The following ASTN2 variants were observed in gnomAD, a reference collection of about 807,000 sequenced individuals.
The protein encoded by ASTN2 is astrotactin 2.
ASTN2 carries 54 observed loss-of-function variants against 139.8 expected under a neutral mutation model. The observed-to-expected ratio is 0.39, with a 90% confidence interval of 0.31 to 0.48. The LOEUF (loss-of-function observed/expected upper bound fraction) is 0.48, where lower values mean the gene tolerates loss of function less well. Ranked by LOEUF, ASTN2 falls within the 20% of genes least tolerant of loss-of-function variation. ASTN2 has a pLI of 0.95. For missense variants in ASTN2, 1,565 were observed against 1,725.1 expected, an observed-to-expected ratio of 0.91 and a Z score of 1.64; for synonymous variants, 756 against 719.5, an observed-to-expected ratio of 1.05 and a Z score of -0.81.
chr9:116,857,750 A>C (rs528451644), intron 11 of ASTN2, among the ~76,000 whole-genome samples: 22 of 152,208 alleles, frequency 1.4e-4, no homozygotes, highest in Middle Eastern at 3.4e-3. Context: ...GCAATGGGTA[A>C]ATGGGTAGAT....
At position 117,298,730 on chromosome 9, in the gene ASTN2, G is replaced by A. The variant is rs1005706008; in HGVS notation, c.443-7217C>T. On this transcript the variant is annotated intron_variant, in intron 1 of 22. Coordinates refer to ENST00000313400, the MANE Select transcript of ASTN2 (RefSeq NM_001365068.1). ...TGTGTGTGTGTGTGTGTGTGTGTGT[G>A]TGTATATATATATATCTTAAAATAG... is the stretch of plus-strand genomic sequence containing the variant. Among the ~76,000 whole-genome samples, 20 of 132,470 alleles carry A rather than the reference G, an allele frequency of 1.5e-4. No homozygotes were observed. The South Asian group carries it at 3.1e-3, about 21-fold the overall frequency. The allele number at this position is 132,470 out of a possible 152,430, so 86.9% of individuals were successfully genotyped here. A position where few individuals can be genotyped will look rare whatever the true frequency, so the allele number is the denominator to read the frequency against.
intron 3 of ASTN2, among the ~76,000 whole-genome samples, chr9:117,160,289 G>A (rs1234955327): frequency 6.6e-6 from 1 of 152,024 alleles, no homozygotes; most frequent in Non-Finnish European, 1.5e-5. Context: ...CAGGGGTCCA[G>A]TCAAAGGGAG....
chr9:116,756,170 G>A (rs966973560), intron 13 of ASTN2, among the ~76,000 whole-genome samples: 3 of 152,140 alleles, frequency 2.0e-5, no homozygotes, highest in Non-Finnish European at 4.4e-5. Flanking sequence ...CAACTTTTAA[G>A]CAGGCATCAG....
chr9:116,868,369 T>TGACC (rs1833070903), intron 10 of ASTN2, among the ~76,000 whole-genome samples: 1 of 152,204 alleles, frequency 6.6e-6, no homozygotes. Context: ...CGAATCTGCC[T>TGACC]GACCTCAAGT....
At chr9:117,325,505 T>A (rs997840407) in intron 1 of ASTN2, among the ~76,000 whole-genome samples, 3 of 152,018 alleles carry the variant, frequency 2.0e-5, no homozygotes, top group Non-Finnish European at 4.4e-5. Flanking sequence ...GAAACCCCCC[T>A]CTCCTCCCTG....
intron 20 of ASTN2, among the ~76,000 whole-genome samples, chr9:116,444,770 C>T (rs578099970): frequency 1.3e-5 from 2 of 152,188 alleles, no homozygotes; most frequent in Non-Finnish European, 2.9e-5. Flanking sequence ...AGTCGCTTCA[C>T]CTCTCTGAGC....
intron 10 of ASTN2, among the ~76,000 whole-genome samples, chr9:116,972,730 C>T (rs1474856024): frequency 1.3e-5 from 2 of 152,160 alleles, no homozygotes; most frequent in African/African-American, 2.4e-5. Context: ...GTTCTGCCTA[C>T]TGTAGTGTGA....
chr9:116,779,506 T>G (rs1304569498), intron 13 of ASTN2, among the ~76,000 whole-genome samples: 2 of 152,142 alleles, frequency 1.3e-5, no homozygotes, highest in South Asian at 2.1e-4. Flanking sequence ...CAGATATTTT[T>G]TTTTTTTATA....
chr9:117,043,063 G>C (rs2132654096), intron 5 of ASTN2, among the ~76,000 whole-genome samples: 1 of 152,174 alleles, frequency 6.6e-6, no homozygotes, highest in African/African-American at 2.4e-5. Flanking sequence ...TAGAGACAGT[G>C]TTTCACCATG....
chr9:117,285,504 A>C (rs1262696405), intron 2 of ASTN2, among the ~76,000 whole-genome samples: 2 of 152,168 alleles, frequency 1.3e-5, no homozygotes, highest in African/African-American at 2.4e-5. Context: ...CCTCTAAACA[A>C]AGCTACTGAA....
rs574409590 is a variant in ASTN2 at position 116,581,751 on chromosome 9, C to T, written c.3355+36573G>A. ...TGATCATTTTTCTTCATTCATTCAT[C>T]TCTTCTTAATTAGTTCACTTATAGT... On this transcript the variant is annotated intron_variant, in intron 19 of 22. Coordinates refer to ENST00000313400, the MANE Select transcript of ASTN2 (RefSeq NM_001365068.1). Among the ~76,000 whole-genome samples the T allele has an allele frequency of 1.9e-3, 296 of 152,284 alleles. 2 individuals are homozygous for T. Among genetic ancestry groups the T allele is most frequent in the Admixed American group, 4.1e-3 (63 of 15,298 alleles).
chr9:116,514,063 G>A (rs1187889682), intron 19 of ASTN2, among the ~76,000 whole-genome samples: 3 of 151,928 alleles, frequency 2.0e-5, no homozygotes, highest in African/African-American at 7.2e-5. Context: ...TCCTTTGGAG[G>A]TGGAGAGGTG....
At position 116,838,112 on chromosome 9, in the gene ASTN2, T is replaced by TG. The variant is rs748651331; in HGVS notation, c.2041-17330_2041-17329insC. Among the ~76,000 whole-genome samples, 598 of 133,862 alleles carry TG rather than the reference T, an allele frequency of 4.5e-3. 13 individuals are homozygous for TG. The highest frequency in any genetic ancestry group is 0.025 in the South Asian group (99 of 3,908). The allele number at this position is 133,862 out of a possible 152,430, so 87.8% of individuals were successfully genotyped here. A position where few individuals can be genotyped will look rare whatever the true frequency, so the allele number is the denominator to read the frequency against. On this transcript the variant is annotated intron_variant, in intron 11 of 22. Transcript: ENST00000313400. ...TTCTGCCTGGCTGTGTTTTTTTTTG[T>TG]TTTGTTTTGTTTTTTGAGACAGAGT...
chr9:116,651,626 G>C lies in ASTN2; in HGVS notation c.2974C>G (p.Arg992Gly). 2 of 1,614,112 alleles carry C rather than the reference G, an allele frequency of 1.2e-6. No individual in the cohort carries two copies. Among genetic ancestry groups the C allele is most frequent in the Non-Finnish European group, 1.7e-6 (2 of 1,180,014 alleles). ...GGGCTCAGCTGCTCCTTGCCTGGCC[G>C]GCGGCAAAGGTGACAGGTAGATGGA... is the stretch of plus-strand genomic sequence containing the variant. ...RCPSTCHLCRRPGKEQLSPTP... is the reference protein window; with the variant it reads ...RCPSTCHLCRGPGKEQLSPTP... The change falls in exon 17 of 23, where the codon CGG becomes GGG. Residue 992 changes from arginine to glycine, a missense_variant. Transcript: ENST00000313400.
intron 13 of ASTN2, among the ~76,000 whole-genome samples, chr9:116,798,539 C>T (rs1339275776): frequency 6.6e-6 from 1 of 152,190 alleles, no homozygotes; most frequent in Non-Finnish European, 1.5e-5. Context: ...TCTGTCTGTG[C>T]TTCAGTGTCC....
intron 1 of ASTN2, among the ~76,000 whole-genome samples, chr9:117,304,082 C>T (rs182364637): frequency 4.7e-4 from 71 of 152,282 alleles, no homozygotes; most frequent in Admixed American, 4.5e-3. Flanking sequence ...GCAAACCTGC[C>T]GGCTGACCAC....
Position 117,173,271 on chromosome 9 carries a change from C to T in ASTN2, c.1016-31793G>A, listed in dbSNP as rs940614136. On this transcript the variant is annotated intron_variant, in intron 3 of 22. Transcript: ENST00000313400. ...ACCTGTTAGAAACAAATGAAATTCA[C>T]CAATCTTGAGTTTGAATGAAAGATT... Among the ~76,000 whole-genome samples the T allele has an allele frequency of 8.5e-5, 13 of 152,182 alleles. No individual in the cohort carries two copies. The East Asian group carries it at 2.5e-3, about 29-fold the overall frequency.
intron 10 of ASTN2, among the ~76,000 whole-genome samples, chr9:116,896,322 T>C (rs1054272459): frequency 6.6e-6 from 1 of 152,168 alleles, no homozygotes. Flanking sequence ...CTAGGTAATT[T>C]ATTTTTTAAA....
chr9:116,661,723 A>G (rs1329273386), intron 16 of ASTN2, among the ~76,000 whole-genome samples: 1 of 152,132 alleles, frequency 6.6e-6, no homozygotes, highest in Non-Finnish European at 1.5e-5. Flanking sequence ...CAGTTGGTCA[A>G]AACTAGGCAT....
Sources: gnomAD v4.1 joint callset for allele counts (sites outside exome capture counted in the v4.1 genomes callset) on GRCh38, gnomAD v4.1.1 for gene constraint, MANE v1.5 for transcripts, NCBI Gene and HGNC (gene_info 2026-07-23, HGNC 2026-07-21) for gene names.